The following SPAG16 variants were observed in gnomAD, a reference collection of about 807,000 sequenced individuals.
SPAG16 encodes the protein sperm associated antigen 16, also known as sperm-associated antigen 16 protein.
Under a neutral mutation model 80.4 loss-of-function variants are expected in SPAG16, and 86 were observed. That is an observed-to-expected ratio of 1.07 (90% CI 0.90 to 1.28). The LOEUF is 1.28. Among genes scored for constraint, SPAG16 ranks in the 50% most tolerant of loss-of-function variants. The probability of loss-of-function intolerance (pLI) is 0.00; values close to 1 mark genes in which losing one functional copy is unlikely to be tolerated. For missense variants in SPAG16, 870 were observed against 765.3 expected (o/e 1.14, Z -1.61); for synonymous variants, 294 against 265.9 (o/e 1.11, Z -1.03).
At chr2:213,383,288 G>T (rs2067270271) in intron 9 of SPAG16, among the ~76,000 whole-genome samples, 1 of 152,068 alleles carries the variant, frequency 6.6e-6, no homozygotes, top group African/African-American at 2.4e-5. Flanking sequence ...TATTATTATA[G>T]AAATATATCC....
chr2:213,311,672 G>A (rs1461247000), intron 4 of SPAG16, among the ~76,000 whole-genome samples: 1 of 151,476 alleles, frequency 6.6e-6, no homozygotes, highest in East Asian at 1.9e-4. Context: ...ATCCCTAGCT[G>A]CCAGTTTGCA....
intron 10 of SPAG16, among the ~76,000 whole-genome samples, chr2:213,701,498 C>T (rs964546182): frequency 1.3e-5 from 2 of 152,070 alleles, no homozygotes; most frequent in African/African-American, 4.8e-5. Flanking sequence ...CTGTGGGAGC[C>T]CCTCTCTGGG....
At chr2:213,929,006 T>C (rs1318242041) in intron 11 of SPAG16, among the ~76,000 whole-genome samples, 862 of 49,402 alleles carry the variant, frequency 0.017, 22 homozygotes, top group African/African-American at 0.039. Flanking sequence ...TTTTCTTTTT[T>C]TTTTTTTTTT....
chr2:214,245,239 C>T (rs1324749189), intron 15 of SPAG16, among the ~76,000 whole-genome samples: 1 of 152,116 alleles, frequency 6.6e-6, no homozygotes, highest in African/African-American at 2.4e-5. Flanking sequence ...TATGTAGATG[C>T]TTTTAATATC....
intron 11 of SPAG16, among the ~76,000 whole-genome samples, chr2:213,878,916 G>C (rs564670624): frequency 2.0e-5 from 3 of 151,952 alleles, no homozygotes; most frequent in Non-Finnish European, 4.4e-5. Context: ...CCTTTCCCCA[G>C]TGCATGTTTT....
chr2:214,250,753 T>TAGAGAGAGAGAG (rs747802708), intron 15 of SPAG16, among the ~76,000 whole-genome samples: 33 of 99,466 alleles, frequency 3.3e-4, no homozygotes, highest in Admixed American at 6.8e-4. Context: ...TATATATATA[T>TAGAGAGAGAGAG]ATATAGAGAG....
At chr2:213,720,014 A>T (rs1472261293) in intron 10 of SPAG16, among the ~76,000 whole-genome samples, 1 of 152,218 alleles carries the variant, frequency 6.6e-6, no homozygotes, top group Non-Finnish European at 1.5e-5. Flanking sequence ...GCCATAAAAA[A>T]GGATGAGTTC....
chr2:214,220,771 T>A (rs890842627), intron 15 of SPAG16, among the ~76,000 whole-genome samples: 2 of 152,190 alleles, frequency 1.3e-5, no homozygotes, highest in African/African-American at 2.4e-5. Flanking sequence ...GGGGCTTTTT[T>A]ACTTAAAACG....
intron 14 of SPAG16, among the ~76,000 whole-genome samples, chr2:214,140,126 A>G (rs2055273787): frequency 6.6e-6 from 1 of 151,992 alleles, no homozygotes; most frequent in South Asian, 2.1e-4. Flanking sequence ...CTGAGACTGT[A>G]TTTCCCCAGC....
chr2:213,342,422 A>G (rs930380913), intron 6 of SPAG16, among the ~76,000 whole-genome samples: 3 of 149,332 alleles, frequency 2.0e-5, no homozygotes, highest in African/African-American at 7.3e-5. Flanking sequence ...AAAGGAGGAT[A>G]GAACTGTACA....
chr2:213,294,173 A>G (rs935532595), intron 1 of SPAG16, among the ~76,000 whole-genome samples: 2 of 152,190 alleles, frequency 1.3e-5, no homozygotes, highest in Admixed American at 6.5e-5. Flanking sequence ...AAGTGAGACT[A>G]TGCAGTATTT....
intron 12 of SPAG16, among the ~76,000 whole-genome samples, chr2:213,979,289 T>C (rs955973563): frequency 5.3e-5 from 8 of 152,060 alleles, no homozygotes; most frequent in African/African-American, 1.7e-4. Context: ...AATTATACTT[T>C]ATAATTCAGG....
intron 13 of SPAG16, among the ~76,000 whole-genome samples, chr2:214,062,218 G>A (rs1025545212): frequency 2.6e-5 from 4 of 151,798 alleles, no homozygotes; most frequent in East Asian, 1.9e-4. Context: ...TCAGGAGTTC[G>A]AGACCAGCCT....
At chr2:214,060,954 TTGAGTGA>T (rs1164058933) in intron 13 of SPAG16, among the ~76,000 whole-genome samples, 1 of 152,178 alleles carries the variant, frequency 6.6e-6, no homozygotes. Flanking sequence ...ACTATGCTAC[TTGAGTGA>T]TGGGAACAAT....
chr2:213,793,628 C>A (rs895056413), intron 10 of SPAG16, among the ~76,000 whole-genome samples: 7 of 152,186 alleles, frequency 4.6e-5, no homozygotes, highest in African/African-American at 1.7e-4. Flanking sequence ...GATATATAGT[C>A]TACCTACATC....
chr2:214,144,410 GT>G (rs1262140574), intron 14 of SPAG16, among the ~76,000 whole-genome samples: 2 of 135,190 alleles, frequency 1.5e-5, no homozygotes, highest in African/African-American at 6.0e-5. Context: ...ATTTTTCCAT[GT>G]TTTACATTGG....
chr2:214,268,636 G>GA lies in SPAG16; in HGVS notation c.1720+119374dup, dbSNP rs921808509. 1.4e-4 allele frequency among the ~76,000 whole-genome samples: 21 copies of GA among 151,870 alleles called. No individual in the cohort carries two copies. In the East Asian group the frequency reaches 4.1e-3, roughly 29 times the overall value. Reference sequence around the variant, plus strand: ...GGCTGAAAGAAGAACCAACATGACTGAAAATAAATAAATTAACAGATGGCA... The same window carrying GA: ...GGCTGAAAGAAGAACCAACATGACTGAAAAATAAATAAATTAACAGATGGCA... On this transcript the variant is annotated intron_variant, in intron 15 of 15. Transcript: ENST00000331683.
At chr2:213,451,321 C>G (rs929779862) in intron 9 of SPAG16, among the ~76,000 whole-genome samples, 3 of 152,086 alleles carry the variant, frequency 2.0e-5, no homozygotes, top group African/African-American at 7.2e-5. Flanking sequence ...TAATTTATCC[C>G]ATGCCCACAG....
chr2:213,768,932 A>G (rs746834389), intron 10 of SPAG16, among the ~76,000 whole-genome samples: 1 of 152,194 alleles, frequency 6.6e-6, no homozygotes, highest in Non-Finnish European at 1.5e-5. Context: ...TAGAGAATCC[A>G]TAAGAAAAGG....
Sources: allele counts gnomAD v4.1 joint callset (sites outside exome capture counted in the v4.1 genomes callset), GRCh38; gene constraint gnomAD v4.1.1; transcripts MANE v1.5; gene names NCBI Gene and HGNC (gene_info 2026-07-23, HGNC 2026-07-21).